PKD1: variants seen among roughly 807,000 people sequenced by gnomAD.
The protein encoded by PKD1 is polycystin-1.
A neutral mutation model predicts 361.7 loss-of-function variants in PKD1; 81 were observed. The ratio of observed to expected loss-of-function variants is 0.22; its 90% CI spans 0.19 to 0.27. The LOEUF (loss-of-function observed/expected upper bound fraction) is 0.27, where lower values mean the gene tolerates loss of function less well. PKD1 is among the 10% of genes least tolerant of loss of function. The pLI is 1.00. For missense variants in PKD1, 6,399 were observed against 6,118.3 expected (o/e 1.05, Z -1.53); for synonymous variants, 3,615 against 2,818.3 (o/e 1.28, Z -8.95).
chr16:2,126,644 G>A (rs1197778610), intron 1 of PKD1, among the ~76,000 whole-genome samples: 2 of 152,262 alleles, frequency 1.3e-5, no homozygotes, highest in Non-Finnish European at 2.9e-5. Flanking sequence ...CAGCTGGAGC[G>A]CAGGCAGCAG....
At position 2,094,024 on chromosome 16, in the gene PKD1, A is replaced by G; in HGVS notation, c.10619-11T>C. 5.7e-6 allele frequency: 9 copies of G among 1,591,372 alleles called. No individual in the cohort carries two copies. The highest frequency in any genetic ancestry group is 7.7e-6 in the Non-Finnish European group (9 of 1,169,780). ...GACCCTCCACCAGTCCTGGGGAAGCAGAGACAGACCTGTGAGAGGCAGCTC... is the reference window on the plus strand; with the variant it reads ...GACCCTCCACCAGTCCTGGGGAAGCGGAGACAGACCTGTGAGAGGCAGCTC... On this transcript the variant is annotated splice_polypyrimidine_tract_variant and intron_variant, in intron 35 of 45. Coordinates refer to ENST00000262304, the MANE Select transcript of PKD1 (RefSeq NM_001009944.3).
rs757901097 is a variant in PKD1 at position 2,092,495 on chromosome 16, C to T, written c.11254G>A (p.Val3752Met). Reference protein sequence around the residue: ...PELGPPRLRQVRLQEALYPDP... With the variant: ...PELGPPRLRQMRLQEALYPDP... The stretch of plus-strand genomic sequence containing the variant: ...GCCAGCTCACCTTCCTGCAGCCGCA[C>T]CTGCCGCAGCCGTGGGGGCCCCAGC... The change falls in exon 39 of 46, where the codon GTG becomes ATG. Residue 3752 changes from valine (V) to methionine (M), a missense_variant. By Grantham distance (21) the Val-to-Met change is conservative (BLOSUM62 1). Transcript: ENST00000262304. 1.9e-6 allele frequency: 3 copies of T among 1,608,860 alleles called. No homozygotes were observed. The highest frequency in any genetic ancestry group is 2.5e-6 in the Non-Finnish European group (3 of 1,176,704).
rs142116197 is a variant in PKD1 at position 2,103,370 on chromosome 16, G to A, written c.8687C>T (p.Ser2896Phe). The change falls in exon 23 of 46, where the codon TCC (serine) becomes TTC (phenylalanine). Residue 2896 changes from serine (S) to phenylalanine (F), a missense_variant. Ser to Phe is a radical substitution (Grantham distance 155). Coordinates refer to ENST00000262304, the MANE Select transcript of PKD1 (RefSeq NM_001009944.3). ...GGAGGCCTGGGGCTGGACCACAACG[G>A]AGTTGGCGGAGTTGGCGGAGCTGCG... is the stretch of plus-strand genomic sequence containing the variant. ...GHRSSANSAN[S>F]VVVQPQASVG... 2.5e-6 allele frequency: 4 copies of A among 1,601,314 alleles called. No homozygotes were observed. The highest frequency in any genetic ancestry group is 3.4e-6 in the Non-Finnish European group (4 of 1,179,334).
chr16:2,091,593 G>T lies in PKD1; in HGVS notation c.11542C>A (p.Arg3848Ser). Residue 3848 changes from arginine (R) to serine (S), a missense_variant, in exon 42 of 46, where the codon CGC (arginine) becomes AGC (serine). Physicochemically the swap from Arg to Ser is moderately radical, Grantham distance 110 (BLOSUM62 -1). Coordinates refer to ENST00000262304, the MANE Select transcript of PKD1 (RefSeq NM_001009944.3). ...CGCGTGAGCTCCAGGAACACAGCGCGGCTCCTGCGCAGAGGGTGCGGGTCA... is the reference window on the plus strand; with the variant it reads ...CGCGTGAGCTCCAGGAACACAGCGCTGCTCCTGCGCAGAGGGTGCGGGTCA... ...QLHNWLDNRS[R>S]AVFLELTRYS... 6.4e-7 allele frequency: 1 copy of T among 1,557,034 alleles called. No homozygotes were observed. Among genetic ancestry groups the T allele is most frequent in the Non-Finnish European group, 8.6e-7 (1 of 1,160,104 alleles).
At chr16:2,122,808 C>T (rs1241630765) in intron 1 of PKD1, among the ~76,000 whole-genome samples, 11 of 152,280 alleles carry the variant, frequency 7.2e-5, no homozygotes, top group Admixed American at 5.9e-4. Context: ...GCAGAGGCCA[C>T]GGTGAACACA....
chr16:2,106,003 T>C lies in PKD1; in HGVS notation c.7725A>G (p.Pro2575=), dbSNP rs1466412515. Residue 2575 remains proline, a synonymous_variant, in exon 20 of 46, where the codon CCA becomes CCG. Coordinates refer to ENST00000262304, the MANE Select transcript of PKD1 (RefSeq NM_001009944.3). This position sits in a 1 kb window ranked among gnomAD's most constrained non-coding sequence, Gnocchi z 6.5. ...ALNRSLAITL[P]EPNGSATGLT... is the part of the protein sequence containing the mutation. ...GCCCCGTTGCGCTGCCGTTGGGCTCTGGGAGGGTGATGGCCAAAGACCTAC... is the reference window on the plus strand; with the variant it reads ...GCCCCGTTGCGCTGCCGTTGGGCTCCGGGAGGGTGATGGCCAAAGACCTAC... 1.2e-6 allele frequency: 2 copies of C among 1,605,046 alleles called. No individual in the cohort carries two copies. Among genetic ancestry groups the C allele is most frequent in the Admixed American group, 1.7e-5 (1 of 59,952 alleles).
chr16:2,093,667 T>C lies in PKD1; in HGVS notation c.10893A>G (p.Val3631=), dbSNP rs2091709978. 6.2e-7 allele frequency: 1 copy of C among 1,607,066 alleles called. No individual in the cohort carries two copies. The highest frequency in any genetic ancestry group is 8.5e-7 in the Non-Finnish European group (1 of 1,177,044). The part of the protein sequence containing the change: ...RLHPDEDDTL[V]ESPAVTPVSA... ...TCACAGGCGTCACAGCCGGGCTCTC[T>C]ACCAGGGTGTCATCTTCATCCGGGT... The change falls in exon 37 of 46, where the codon GTA becomes GTG. Residue 3631 remains valine, a synonymous_variant. Transcript: ENST00000262304.
At chr16:2,121,680 G>T (rs2092723796) in intron 1 of PKD1, among the ~76,000 whole-genome samples, 1 of 151,936 alleles carries the variant, frequency 6.6e-6, no homozygotes, top group South Asian at 2.1e-4. Context: ...AGCACCTCGG[G>T]GGTCACTCTG....
Position 2,097,764 on chromosome 16 carries a change from T to C in PKD1, c.10184A>G (p.Gln3395Arg), listed in dbSNP as rs1247651403. ...ATCCAGAAACAAGTCACTCTTCATC[T>C]GTCCAACAAAGGCCTGCTGAGAGGT... ...GLHAEQAFVGQMKSDLFLDDS... is the reference protein window; with the variant it reads ...GLHAEQAFVGRMKSDLFLDDS... The change falls in exon 32 of 46, where the codon CAG (glutamine) becomes CGG (arginine). Residue 3395 changes from glutamine (Q) to arginine (R), a missense_variant. Gln to Arg is a conservative substitution (Grantham distance 43, BLOSUM62 1). Transcript: ENST00000262304. The C allele has an allele frequency of 3.1e-6, 5 of 1,611,376 alleles. No homozygotes were observed. The highest frequency in any genetic ancestry group is 8.5e-7 in the Non-Finnish European group (1 of 1,179,866).
At chr16:2,133,781 G>A (rs548589410) in intron 1 of PKD1, among the ~76,000 whole-genome samples, 3 of 151,222 alleles carry the variant, frequency 2.0e-5, no homozygotes, top group Non-Finnish European at 4.4e-5. Context: ...CCTGGCATTC[G>A]GAATCTTGCC....
chr16:2,122,400 G>A (rs1243782486), intron 1 of PKD1, among the ~76,000 whole-genome samples: 7 of 152,322 alleles, frequency 4.6e-5, no homozygotes, highest in South Asian at 4.1e-4. Flanking sequence ...CGGCCCCTCC[G>A]GCAGGGCCAC....
In PKD1 at chr16:2,113,798, C is replaced by T. The variant is rs2092579877; in HGVS notation, c.2853+372G>A. On this transcript the variant is annotated intron_variant, in intron 11 of 45. Coordinates refer to ENST00000262304, the MANE Select transcript of PKD1 (RefSeq NM_001009944.3). Reference sequence around the variant, plus strand: ...GTACCCAGCATGGTGGCACCGCGGGCAGCCCGCAGTTTCCCATCAGGGGTT... The same window carrying T: ...GTACCCAGCATGGTGGCACCGCGGGTAGCCCGCAGTTTCCCATCAGGGGTT... 12 of 403,100 alleles carry T rather than the reference C, an allele frequency of 3.0e-5. No homozygotes were observed. The East Asian group carries it at 5.9e-4, about 20-fold the overall frequency. The allele number at this position is 403,100 out of a possible 1,614,324, so 25.0% of individuals were successfully genotyped here.
In PKD1 at chr16:2,110,526, G is replaced by A. The variant is rs367672280; in HGVS notation, c.4641C>T (p.Arg1547=). ...EAWLNVTVKR[R]VRGLVVNASR... is the part of the protein sequence containing the mutation. ...TTGCATTGACGACGAGCCCCCGCAC[G>A]CGCCGCTTCACCGTCACATTGAGCC... is the stretch of plus-strand genomic sequence containing the variant. The change falls in exon 15 of 46, where the codon CGC becomes CGT. Residue 1547 remains arginine, a synonymous_variant. Coordinates refer to ENST00000262304, the MANE Select transcript of PKD1 (RefSeq NM_001009944.3). The A allele has an allele frequency of 2.0e-5, 32 of 1,611,586 alleles. No homozygotes were observed. The highest frequency in any genetic ancestry group is 4.5e-5 in the East Asian group (2 of 44,892).
Position 2,110,683 on chromosome 16 carries a change from G to A in PKD1, c.4484C>T (p.Pro1495Leu), listed in dbSNP as rs545972773. The A allele has an allele frequency of 1.2e-5, 20 of 1,610,348 alleles. No homozygotes were observed. Among genetic ancestry groups the A allele is most frequent in the Non-Finnish European group, 1.5e-5 (18 of 1,179,538 alleles). The change falls in exon 15 of 46, where the codon CCC (proline) becomes CTC (leucine). Residue 1495 changes from proline to leucine, a missense_variant. By Grantham distance (98) the Pro-to-Leu change is moderately conservative. Coordinates refer to ENST00000262304, the MANE Select transcript of PKD1 (RefSeq NM_001009944.3). ...YLFSAVGRGRPASYLWDLGDG... is the reference protein window; with the variant it reads ...YLFSAVGRGRLASYLWDLGDG... Reference sequence around the variant, plus strand: ...CCCCAGATCCCACAGGTAGCTGGCGGGGCGCCCACGGCCCACAGCAGAGAA... The same window carrying A: ...CCCCAGATCCCACAGGTAGCTGGCGAGGCGCCCACGGCCCACAGCAGAGAA...
At chr16:2,092,786 G>A in intron 38 of PKD1, 168 bp downstream of exon 38, 1 of 894,110 alleles carries the variant, frequency 1.1e-6, no homozygotes, top group East Asian at 2.5e-5. Flanking sequence ...TGCACTGCAA[G>A]ACACGGACCT....
chr16:2,099,461 G>A (rs1039326582), intron 30 of PKD1, 183 bp downstream of exon 30: 27 of 697,230 alleles, frequency 3.9e-5, no homozygotes, highest in Non-Finnish European at 5.9e-5. Context: ...TCTGGCTTCT[G>A]AGTCTTCTCT....
At position 2,090,973 on chromosome 16, in the gene PKD1, G is replaced by A; in HGVS notation, c.11914C>T (p.Arg3972Cys). Residue 3972 changes from arginine to cysteine, a missense_variant, in exon 43 of 46, where the codon CGC (arginine) becomes TGC (cysteine). Coordinates refer to ENST00000262304, the MANE Select transcript of PKD1 (RefSeq NM_001009944.3). Reference sequence around the variant, plus strand: ...ACCTGGTCGAAGCTAGTGAAGCGGCGCGGGCGGCCGCGCACGAAACGGGTC... The same window carrying A: ...ACCTGGTCGAAGCTAGTGAAGCGGCACGGGCGGCCGCGCACGAAACGGGTC... ...QWTRFVRGRP[R>C]RFTSFDQVAQ... 1.3e-6 allele frequency: 2 copies of A among 1,539,478 alleles called. No individual in the cohort carries two copies. The highest frequency in any genetic ancestry group is 1.7e-6 in the Non-Finnish European group (2 of 1,148,656).
rs1367944074 is a variant in PKD1 at position 2,090,790 on chromosome 16, A to T, written c.12022T>A (p.Phe4008Ile). 19 of 1,612,416 alleles carry T rather than the reference A, an allele frequency of 1.2e-5. No individual in the cohort carries two copies. The highest frequency in any genetic ancestry group is 1.4e-5 in the Non-Finnish European group (17 of 1,179,946). Residue 4008 changes from phenylalanine to isoleucine, a missense_variant, in exon 44 of 46, where the codon TTC becomes ATC. By Grantham distance (21) the Phe-to-Ile change is conservative. Coordinates refer to ENST00000262304, the MANE Select transcript of PKD1 (RefSeq NM_001009944.3). ...CCAAAGACGGACCACTGGCGCACGAAGCGTAGCTGCTGGGCAGCCTGCGGA... is the reference window on the plus strand; with the variant it reads ...CCAAAGACGGACCACTGGCGCACGATGCGTAGCTGCTGGGCAGCCTGCGGA... ...LLVKAAQQLR[F>I]VRQWSVFGKT... is the part of the protein sequence containing the mutation.
chr16:2,102,826 A>G lies in PKD1; in HGVS notation c.8936T>C (p.Phe2979Ser). ...QGADHRPYTF[F>S]ISPGSRDPAG... ...CCGCAGAGCTCACCCCGGGGAAATG[A>G]AGAAGGTGTAGGGCCGGTGGTCAGC... The change falls in exon 24 of 46, where the codon TTC (phenylalanine) becomes TCC (serine). Residue 2979 changes from phenylalanine (F) to serine (S), a missense_variant. Coordinates refer to ENST00000262304, the MANE Select transcript of PKD1 (RefSeq NM_001009944.3). The G allele has an allele frequency of 6.2e-7, 1 of 1,610,064 alleles. No individual in the cohort carries two copies. Among genetic ancestry groups the G allele is most frequent in the Non-Finnish European group, 8.5e-7 (1 of 1,179,760 alleles).
Sources: gnomAD v4.1 joint callset for allele counts (sites outside exome capture counted in the v4.1 genomes callset) on GRCh38, gnomAD v4.1.1 for gene constraint, Gnocchi (gnomAD v3.1) non-coding constraint, MANE v1.5 for transcripts, NCBI Gene and HGNC (gene_info 2026-07-23, HGNC 2026-07-21) for gene names.